The following KLHL7 variants were observed in gnomAD, a reference collection of about 807,000 sequenced individuals.
KLHL7 encodes the protein kelch-like protein 7.
A neutral mutation model predicts 67.4 loss-of-function variants in KLHL7; 44 were observed. That is an observed-to-expected ratio of 0.65 (90% CI 0.51 to 0.84). KLHL7 has a LOEUF of 0.84. KLHL7 is among the 40% of genes least tolerant of loss of function. The probability of loss-of-function intolerance (pLI) is 0.00; values close to 1 mark genes in which losing one functional copy is unlikely to be tolerated. For missense variants in KLHL7, 362 were observed against 718.1 expected (o/e 0.50, Z 5.67); for synonymous variants, 252 against 243.3 (o/e 1.04, Z -0.33).
intron 4 of KLHL7, among the ~76,000 whole-genome samples, chr7:23,127,880 CAAA>C (rs200063955): frequency 2.8e-5 from 4 of 140,802 alleles, no homozygotes; most frequent in African/African-American, 1.1e-4. Flanking sequence ...TTGGAAAAAA[CAAA>C]AAAAAACAGT....
rs1197693713 is a variant in KLHL7, at chr7:23,113,115, G to A, written c.120+6969G>A. Among the ~76,000 whole-genome samples the A allele has an allele frequency of 2.1e-5, 3 of 140,658 alleles. No homozygotes were observed. In the South Asian group the frequency reaches 6.5e-4, roughly 30 times the overall value. 92.3% of individuals were successfully genotyped at this position (140,658 alleles called of 152,430 possible). A position where few individuals can be genotyped will look rare whatever the true frequency, so the allele number is the denominator to read the frequency against. ...AGAAGAATGAAGGAGTTTCTATCCAGTGATTTCTCTTTTCTCTAAAAAAAA... is the reference window on the plus strand; with the variant it reads ...AGAAGAATGAAGGAGTTTCTATCCAATGATTTCTCTTTTCTCTAAAAAAAA... On this transcript the variant is annotated intron_variant, in intron 1 of 10. Transcript: ENST00000339077.
intron 1 of KLHL7, among the ~76,000 whole-genome samples, chr7:23,114,429 G>C (rs1197608954): frequency 1.3e-5 from 2 of 152,152 alleles, no homozygotes; most frequent in Non-Finnish European, 2.9e-5. Context: ...TGTCTCGTTT[G>C]GTTATTGATA....
chr7:23,136,995 A>G (rs1219383308), intron 4 of KLHL7, among the ~76,000 whole-genome samples: 1 of 152,198 alleles, frequency 6.6e-6, no homozygotes, highest in Non-Finnish European at 1.5e-5. Context: ...GATTTAAAAT[A>G]TAGATTAGGC....
chr7:23,124,578 G>C (rs1277126148), intron 2 of KLHL7, 110 bp from the exon 3 acceptor site: 3 of 738,566 alleles, frequency 4.1e-6, no homozygotes, highest in African/African-American at 1.7e-5. Context: ...CTTCCAGAGA[G>C]AACTGTCCCG....
intron 6 of KLHL7, among the ~76,000 whole-genome samples, chr7:23,146,188 C>A (rs1047269404): frequency 2.0e-5 from 3 of 152,176 alleles, no homozygotes; most frequent in Non-Finnish European, 4.4e-5. Flanking sequence ...ACTGGAAGTT[C>A]AATTGTCGTT....
At chr7:23,168,881 T>G (rs1785075765) in intron 9 of KLHL7, among the ~76,000 whole-genome samples, 2 of 152,238 alleles carry the variant, frequency 1.3e-5, no homozygotes, top group African/African-American at 4.8e-5. Context: ...ATCAAAACTC[T>G]CGTGCTTAAA....
At chr7:23,124,952 G>C in intron 3 of KLHL7, 96 bp from the exon 4 acceptor site, 1 of 1,237,578 alleles carries the variant, frequency 8.1e-7, no homozygotes, top group Non-Finnish European at 1.2e-6. Flanking sequence ...GTTTAATTTT[G>C]TGTTTAATTT....
At chr7:23,109,470 T>C (rs1228710208) in intron 1 of KLHL7, among the ~76,000 whole-genome samples, 1 of 152,226 alleles carries the variant, frequency 6.6e-6, no homozygotes, top group Non-Finnish European at 1.5e-5. Context: ...CCTTCCTGAG[T>C]ACCACCATAG....
Position 23,152,166 on chromosome 7 carries a change from T to A in KLHL7, c.893T>A (p.Phe298Tyr). The A allele has an allele frequency of 6.2e-7, 1 of 1,613,938 alleles. No homozygotes were observed. Among genetic ancestry groups the A allele is most frequent in the Non-Finnish European group, 8.5e-7 (1 of 1,179,836 alleles). Residue 298 changes from phenylalanine to tyrosine, a missense_variant, in exon 7 of 11, where the codon TTT (phenylalanine) becomes TAT (tyrosine). By Grantham distance (22) the Phe-to-Tyr change is conservative (BLOSUM62 3). Transcript: ENST00000339077. ...AAACATGACTACCGCATAGCCCTAT[T>A]TGGAGGCTCTCAACCACAGTCTTGT... ...RKKHDYRIAL[F>Y]GGSQPQSCRY...
chr7:23,172,104 T>C (rs1048680871), intron 9 of KLHL7: 20 of 454,850 alleles, frequency 4.4e-5, no homozygotes, highest in Non-Finnish European at 8.0e-5. Flanking sequence ...TTACTGTTGT[T>C]TGGCGTCTCT....
chr7:23,167,693 C>A, intron 8 of KLHL7, 143 bp from the exon 9 acceptor site: 1 of 703,932 alleles, frequency 1.4e-6, no homozygotes, highest in South Asian at 1.6e-5. Flanking sequence ...ACTATTCCTA[C>A]ACTTTGTTGT....
intron 1 of KLHL7, among the ~76,000 whole-genome samples, chr7:23,115,212 T>G (rs1783035749): frequency 6.6e-6 from 1 of 152,226 alleles, no homozygotes; most frequent in Non-Finnish European, 1.5e-5. Flanking sequence ...AGAACGTCCC[T>G]AGGATTGATA....
chr7:23,106,739 TG>T, intron 1 of KLHL7: 2 of 990,914 alleles, frequency 2.0e-6, no homozygotes, highest in Non-Finnish European at 2.4e-6. Flanking sequence ...AGGAGCTCTT[TG>T]TTCTGTCCTT....
chr7:23,170,197 A>G (rs1785116860), intron 9 of KLHL7, among the ~76,000 whole-genome samples: 1 of 152,244 alleles, frequency 6.6e-6, no homozygotes, highest in African/African-American at 2.4e-5. Context: ...CAGGGCAACA[A>G]GAGCGAAACT....
intron 9 of KLHL7, among the ~76,000 whole-genome samples, chr7:23,170,971 G>A (rs1472584702): frequency 1.4e-5 from 2 of 146,446 alleles, no homozygotes; most frequent in South Asian, 2.1e-4. Context: ...GCAGTGGCAC[G>A]ATCTCAGCTC....
intron 4 of KLHL7, among the ~76,000 whole-genome samples, chr7:23,136,286 T>C (rs904470026): frequency 3.3e-5 from 5 of 152,184 alleles, no homozygotes; most frequent in Non-Finnish European, 7.3e-5. Context: ...GTATCCCTTC[T>C]GAGAAAAGTA....
intron 2 of KLHL7, among the ~76,000 whole-genome samples, chr7:23,124,140 G>A (rs765843633): frequency 4.2e-4 from 51 of 121,584 alleles, no homozygotes; most frequent in Admixed American, 2.9e-3. Flanking sequence ...GCAGTGAGCC[G>A]AGATTGCACC....
chr7:23,157,827 G>A (rs868474422), intron 7 of KLHL7, among the ~76,000 whole-genome samples: 7 of 152,146 alleles, frequency 4.6e-5, no homozygotes, highest in Admixed American at 4.6e-4. Flanking sequence ...ATTCTCCATA[G>A]CCACAGCTGG....
At chr7:23,145,345 AATTT>A (rs1254814313) in intron 6 of KLHL7, among the ~76,000 whole-genome samples, 1 of 151,254 alleles carries the variant, frequency 6.6e-6, no homozygotes, top group Non-Finnish European at 1.5e-5. Flanking sequence ...TTTATTCTCT[AATTT>A]ATTATTTCAT....
Sources: gnomAD v4.1 joint callset for allele counts (sites outside exome capture counted in the v4.1 genomes callset) on GRCh38, gnomAD v4.1.1 for gene constraint, MANE v1.5 for transcripts, NCBI Gene and HGNC (gene_info 2026-07-23, HGNC 2026-07-21) for gene names.